PCDH7: variants seen among roughly 807,000 people sequenced by gnomAD.
PCDH7 encodes protocadherin-7.
A neutral mutation model predicts 58.9 loss-of-function variants in PCDH7; 17 were observed. The observed-to-expected ratio is 0.29, with a 90% confidence interval of 0.20 to 0.43. The LOEUF (loss-of-function observed/expected upper bound fraction) is 0.43, where lower values mean the gene tolerates loss of function less well. PCDH7 is among the 20% of genes least tolerant of loss of function. The pLI is 1.00. For missense variants in PCDH7, 1,274 were observed against 1,441.0 expected, an observed-to-expected ratio of 0.88 and a Z score of 1.88; for synonymous variants, 664 against 616.4, an observed-to-expected ratio of 1.08 and a Z score of -1.14.
At chr4:31,115,006 A>G (rs1217251632) in intron 3 of PCDH7, among the ~76,000 whole-genome samples, 1 of 152,158 alleles carries the variant, frequency 6.6e-6, no homozygotes, top group Non-Finnish European at 1.5e-5. Context: ...CGCTGTAAGA[A>G]CAGTGCGGGT....
intron 1 of PCDH7, among the ~76,000 whole-genome samples, chr4:30,909,864 C>G (rs947685822): frequency 5.3e-5 from 8 of 152,094 alleles, no homozygotes; most frequent in Non-Finnish European, 1.2e-4. Context: ...GCCCATATAG[C>G]CAAGAAAATC....
intron 1 of PCDH7, among the ~76,000 whole-genome samples, chr4:30,907,082 G>T (rs1393771868): frequency 6.6e-6 from 1 of 152,096 alleles, no homozygotes; most frequent in East Asian, 1.9e-4. Context: ...AATGTGCATT[G>T]TTGAGGATCC....
chr4:31,049,734 C>G (rs752223427), intron 3 of PCDH7, among the ~76,000 whole-genome samples: 2 of 152,066 alleles, frequency 1.3e-5, no homozygotes, highest in African/African-American at 2.4e-5. Context: ...TCCTCAGACA[C>G]GATATCTTTC....
At chr4:30,772,062 G>A (rs1721487097) in intron 1 of PCDH7, among the ~76,000 whole-genome samples, 1 of 151,980 alleles carries the variant, frequency 6.6e-6, no homozygotes, top group African/African-American at 2.4e-5. Flanking sequence ...TAGAGATGGG[G>A]TCTCACCATG....
chr4:30,876,869 T>C (rs1736349521), intron 1 of PCDH7, among the ~76,000 whole-genome samples: 1 of 152,082 alleles, frequency 6.6e-6, no homozygotes. Context: ...AAGCCCTGCA[T>C]GCATTAGGTA....
chr4:30,968,332 T>TAC (rs1560541366), intron 3 of PCDH7, among the ~76,000 whole-genome samples: 85 of 107,494 alleles, frequency 7.9e-4, no homozygotes, highest in Middle Eastern at 8.6e-3. Flanking sequence ...TATATATATA[T>TAC]ACACACACTA....
intron 3 of PCDH7, among the ~76,000 whole-genome samples, chr4:30,970,496 T>A (rs1749486717): frequency 6.6e-6 from 1 of 152,020 alleles, no homozygotes; most frequent in Admixed American, 6.5e-5. Context: ...GGTTTCACCA[T>A]GTTAAACAGG....
intron 1 of PCDH7, among the ~76,000 whole-genome samples, chr4:30,845,632 C>T (rs563652584): frequency 6.6e-6 from 1 of 152,276 alleles, no homozygotes; most frequent in South Asian, 2.1e-4. Flanking sequence ...AGGTCTACTT[C>T]TGTCATCCAG....
chr4:31,121,103 T>C (rs1462268279), intron 3 of PCDH7, among the ~76,000 whole-genome samples: 1 of 152,188 alleles, frequency 6.6e-6, no homozygotes, highest in Admixed American at 6.5e-5. Context: ...AATCAGTACA[T>C]GTTCATTATT....
intron 1 of PCDH7, 123 bp downstream of exon 1, chr4:30,724,719 T>G (rs1714365930): frequency 1.4e-6 from 2 of 1,450,402 alleles, no homozygotes; most frequent in Non-Finnish European, 1.8e-6. Context: ...CAGTAGGAAT[T>G]TAATGTTAAT....
chr4:30,736,283 A>G (rs946285050), downstream of PCDH7, among the ~76,000 whole-genome samples: 1 of 152,070 alleles, frequency 6.6e-6, no homozygotes, highest in African/African-American at 2.4e-5. Flanking sequence ...GAGCTCTCCT[A>G]CCCCATACTG....
At position 30,856,068 on chromosome 4, in the gene PCDH7, G is replaced by T. The variant is rs117675519; in HGVS notation, c.71-64085G>T. 1.0e-3 allele frequency among the ~76,000 whole-genome samples: 152 copies of T among 151,966 alleles called. 2 individuals carry two copies. In the East Asian group the frequency reaches 0.028, roughly 28 times the overall value. The stretch of plus-strand genomic sequence containing the variant: ...ATTTTCTTACTTTTGATGGAATGAG[G>T]ACATTTTTAGAAAATACAGTGAGTT... On this transcript the variant is annotated intron_variant, in intron 1 of 3. Transcript: ENST00000509759.
intron 3 of PCDH7, among the ~76,000 whole-genome samples, chr4:31,083,232 C>G (rs1711850076): frequency 6.6e-6 from 1 of 152,018 alleles, no homozygotes; most frequent in South Asian, 2.1e-4. Flanking sequence ...CACAAAACCC[C>G]TTGTACCCCA....
In PCDH7 at chr4:30,753,153, G is replaced by A. The variant is rs543386633; in HGVS notation, c.70+28557G>A. On this transcript the variant is annotated intron_variant, in intron 1 of 3. Coordinates refer to the PCDH7 transcript ENST00000509759. ...TCATGCCTGGGAGACCCTTTAAGTC[G>A]TTATAAACAATAATGGGCCTATGAA... 9.9e-5 allele frequency among the ~76,000 whole-genome samples: 15 copies of A among 152,238 alleles called. No homozygotes were observed. In the East Asian group the frequency reaches 1.9e-3, roughly 20 times the overall value.
At chr4:30,730,925 G>A (rs1715401724) in exon 2 of PCDH7, 2 of 1,343,648 alleles carry the variant, frequency 1.5e-6, no homozygotes, top group Admixed American at 3.1e-5. Context: ...TTTTATTTTT[G>A]AGTCTTTTTC....
intron 3 of PCDH7, among the ~76,000 whole-genome samples, chr4:31,000,432 G>A (rs559300189): frequency 2.0e-5 from 3 of 152,128 alleles, no homozygotes; most frequent in Non-Finnish European, 2.9e-5. Flanking sequence ...CAAATAAGTT[G>A]AGTTTTGAAT....
At chr4:30,952,095 G>A (rs950829880) in intron 3 of PCDH7, among the ~76,000 whole-genome samples, 2 of 151,964 alleles carry the variant, frequency 1.3e-5, no homozygotes, top group Admixed American at 6.6e-5. Context: ...TAGCTTCATA[G>A]ACTACTCAAT....
At position 30,722,004 on chromosome 4, in the gene PCDH7, G is replaced by C; in HGVS notation, c.582G>C (p.Glu194Asp). The C allele has an allele frequency of 7.8e-7, 1 of 1,274,030 alleles. No individual in the cohort carries two copies. Among genetic ancestry groups the C allele is most frequent in the African/African-American group, 1.6e-5 (1 of 64,464 alleles). The allele number at this position is 1,274,030 out of a possible 1,614,324, so 78.9% of individuals were successfully genotyped here. A position where few individuals can be genotyped will look rare whatever the true frequency, so the allele number is the denominator to read the frequency against. The change falls in exon 1 of 2, where the codon GAG becomes GAC. Residue 194 changes from glutamate (E) to aspartate (D), a missense_variant. Glu to Asp is a conservative substitution (Grantham distance 45, BLOSUM62 2). This residue lies in a region of PCDH7 where 331 missense variants were observed against 303.2 expected (regional missense o/e 1.09). Transcript: ENST00000361762. The surrounding 1 kb of genome is among the most constrained non-coding windows in gnomAD (Gnocchi z 7.6). ...CCGGAGGCGGCGGCAGCGGCGGCGA[G>C]AGCCGGCGCGCCGGGGCGGCCGACA...
chr4:30,889,137 C>CAAAA (rs371917620), intron 1 of PCDH7, among the ~76,000 whole-genome samples: 8 of 49,976 alleles, frequency 1.6e-4, no homozygotes, highest in Non-Finnish European at 2.7e-4. Context: ...GCAGATATCT[C>CAAAA]AAAAAAAAAA....
Sources: allele counts gnomAD v4.1 joint callset (sites outside exome capture counted in the v4.1 genomes callset), GRCh38; gene constraint gnomAD v4.1.1; regional missense constraint gnomAD v4.1.1; non-coding constraint Gnocchi (gnomAD v3.1); transcripts MANE v1.5; gene names NCBI Gene and HGNC (gene_info 2026-07-23, HGNC 2026-07-21).